Variants in ABCB11 observed in about 807,000 individuals in gnomAD.
ABCB11 encodes the protein bile salt export pump.
In ABCB11, 95 loss-of-function variants were observed where a neutral mutation model predicts 148.0. That is an observed-to-expected ratio of 0.64 (90% confidence interval 0.54 to 0.76). ABCB11 has a LOEUF of 0.76. ABCB11 is among the 30% of genes least tolerant of loss of function. ABCB11 has a pLI of 0.00. For missense variants in ABCB11, 1,523 were observed against 1,617.8 expected, an observed-to-expected ratio of 0.94 and a Z score of 1.01; for synonymous variants, 591 against 555.4, an observed-to-expected ratio of 1.06 and a Z score of -0.90.
intron 24 of ABCB11, among the ~76,000 whole-genome samples, chr2:168,931,428 C>T (rs1485095423): frequency 2.6e-5 from 4 of 152,208 alleles, no homozygotes; most frequent in Non-Finnish European, 5.9e-5. Flanking sequence ...AGAAAGATTA[C>T]AGAATTTAGC....
chr2:169,025,334 A>G (rs1314196465), intron 1 of ABCB11, among the ~76,000 whole-genome samples: 2 of 152,096 alleles, frequency 1.3e-5, no homozygotes, highest in Non-Finnish European at 2.9e-5. Flanking sequence ...CCACGTCCTG[A>G]TTTCTCCATC....
intron 5 of ABCB11, 82 bp downstream of exon 5, chr2:169,013,190 A>C: frequency 9.5e-7 from 1 of 1,048,582 alleles, no homozygotes; most frequent in Non-Finnish European, 1.4e-6. Flanking sequence ...CAGCTCAGCC[A>C]GTAAAATCCC....
At chr2:168,993,683 A>G (rs1461810876) in intron 8 of ABCB11, 28 bp downstream of exon 8, 3 of 1,597,520 alleles carry the variant, frequency 1.9e-6, no homozygotes, top group Non-Finnish European at 2.6e-6. Flanking sequence ...ATGTCTTCCC[A>G]TGGAGAGATG....
chr2:168,986,796 C>T (rs1694341696), intron 9 of ABCB11, among the ~76,000 whole-genome samples: 1 of 147,098 alleles, frequency 6.8e-6, no homozygotes, highest in African/African-American at 2.6e-5. Context: ...AGGTTCACAG[C>T]CATGAGACAT....
intron 11 of ABCB11, among the ~76,000 whole-genome samples, chr2:168,977,310 T>A (rs1693952376): frequency 6.6e-6 from 1 of 152,088 alleles, no homozygotes; most frequent in South Asian, 2.1e-4. Flanking sequence ...GCAGAAAGAT[T>A]AAGTTTCTAA....
chr2:168,936,568 T>G, intron 21 of ABCB11, 135 bp from the exon 22 acceptor site: 1 of 788,470 alleles, frequency 1.3e-6, no homozygotes, highest in Non-Finnish European at 2.0e-6. Context: ...TAACCATTCT[T>G]AAGTGTACAA....
intron 22 of ABCB11, 94 bp downstream of exon 22, chr2:168,936,136 G>A (rs1351299000): frequency 3.2e-6 from 4 of 1,240,002 alleles, no homozygotes; most frequent in Non-Finnish European, 3.4e-6. Flanking sequence ...TGGGCTGACA[G>A]CTTCCTTCAG....
chr2:169,003,351 T>TGTGC (rs1553471294), intron 5 of ABCB11, among the ~76,000 whole-genome samples: 11 of 145,662 alleles, frequency 7.6e-5, no homozygotes, highest in African/African-American at 2.7e-4. Context: ...TGTGTGTGCA[T>TGTGC]ATATATATAT....
At position 168,921,777 on chromosome 2, in the gene ABCB11, G is replaced by T. The variant is rs1292134282; in HGVS notation, c.*1845C>A. Reference sequence around the variant, plus strand: ...CGAGTGGGTGCTTGTTGGTTGACAGGTGGGCTTCATAGAAGGGTAATACGG... The same window carrying T: ...CGAGTGGGTGCTTGTTGGTTGACAGTTGGGCTTCATAGAAGGGTAATACGG... On this transcript the variant is annotated 3_prime_UTR_variant, in exon 28 of 28. Coordinates refer to ENST00000650372, the MANE Select transcript of ABCB11 (RefSeq NM_003742.4). Among the ~76,000 whole-genome samples, 1 of 151,690 alleles carries T rather than the reference G, an allele frequency of 6.6e-6. No homozygotes were observed. The highest frequency in any genetic ancestry group is 2.4e-5 in the African/African-American group (1 of 41,278).
intron 10 of ABCB11, among the ~76,000 whole-genome samples, chr2:168,983,658 G>A (rs114068638): frequency 0.015 from 2,254 of 152,158 alleles, 54 homozygotes; most frequent in African/African-American, 0.052. Flanking sequence ...AATGATTATG[G>A]TTTGACCTCT....
At chr2:168,919,132 C>T (rs867650939), downstream of ABCB11, among the ~76,000 whole-genome samples, 4 of 151,944 alleles carry the variant, frequency 2.6e-5, no homozygotes, top group African/African-American at 9.7e-5. Flanking sequence ...CCATCCCAAC[C>T]TACCCCACAT....
intron 10 of ABCB11, among the ~76,000 whole-genome samples, chr2:168,984,902 C>T (rs533767882): frequency 1.3e-5 from 2 of 152,152 alleles, no homozygotes; most frequent in South Asian, 2.1e-4. Flanking sequence ...AACCCAAAAG[C>T]AAATGCAATA....
intron 12 of ABCB11, 55 bp from the exon 13 acceptor site, chr2:168,973,895 C>T: frequency 6.3e-7 from 1 of 1,591,230 alleles, no homozygotes; most frequent in Non-Finnish European, 8.6e-7. Context: ...CCAAATCAAA[C>T]AATTAGGCTA....
At chr2:169,014,389 C>T (rs1695290875) in intron 3 of ABCB11, 35 bp from the exon 4 acceptor site, 1 of 1,582,928 alleles carries the variant, frequency 6.3e-7, no homozygotes, top group Non-Finnish European at 8.7e-7. Context: ...AAAGACCACC[C>T]TTTCCAATAC....
At chr2:169,009,627 T>C in intron 5 of ABCB11, among the ~76,000 whole-genome samples, 1 of 151,086 alleles carries the variant, frequency 6.6e-6, no homozygotes, top group East Asian at 2.0e-4. Context: ...TACCTAATGT[T>C]AAATGACGAG....
At chr2:168,942,733 A>G (rs1166085239) in intron 21 of ABCB11, among the ~76,000 whole-genome samples, 1 of 151,824 alleles carries the variant, frequency 6.6e-6, no homozygotes, top group East Asian at 1.9e-4. Flanking sequence ...ATAAATATAT[A>G]CACCTACTTG....
At chr2:168,982,463 T>C (rs962239843) in intron 10 of ABCB11, among the ~76,000 whole-genome samples, 1 of 152,166 alleles carries the variant, frequency 6.6e-6, no homozygotes. Flanking sequence ...TTTTTATTAA[T>C]GAATTCTGAA....
intron 2 of ABCB11, 102 bp from the exon 3 acceptor site, chr2:169,016,901 A>T: frequency 4.8e-6 from 4 of 834,686 alleles, no homozygotes; most frequent in Non-Finnish European, 7.7e-6. Context: ...CCTATAAATT[A>T]CCTTTATTCA....
chr2:168,947,332 G>A (rs1343651223), intron 19 of ABCB11, among the ~76,000 whole-genome samples: 1 of 140,686 alleles, frequency 7.1e-6, no homozygotes, highest in Non-Finnish European at 1.6e-5. Context: ...ATCCAGAGCT[G>A]GCGACTCTCA....
Sources: gnomAD v4.1 joint callset for allele counts (sites outside exome capture counted in the v4.1 genomes callset) on GRCh38, gnomAD v4.1.1 for gene constraint, MANE v1.5 for transcripts, NCBI Gene and HGNC (gene_info 2026-07-23, HGNC 2026-07-21) for gene names.